The following GPC6 variants were observed in gnomAD, a reference collection of about 807,000 sequenced individuals.
GPC6 encodes glypican-6.
Under a neutral mutation model 55.2 loss-of-function variants are expected in GPC6, and 14 were observed. The observed-to-expected ratio is 0.25, with a 90% CI of 0.17 to 0.40. The LOEUF (loss-of-function observed/expected upper bound fraction) is 0.40, where lower values mean the gene tolerates loss of function less well. Among genes scored for constraint, GPC6 ranks in the 10% least tolerant of loss-of-function variants. The probability of loss-of-function intolerance (pLI) is 1.00; values close to 1 mark genes in which losing one functional copy is unlikely to be tolerated. For synonymous variants in GPC6, 278 were observed against 259.6 expected, an observed-to-expected ratio of 1.07 and a Z score of -0.68; for missense variants, 641 against 708.5, an observed-to-expected ratio of 0.90 and a Z score of 1.08.
chr13:93,367,301 C>G (rs1032878652), intron 1 of GPC6, among the ~76,000 whole-genome samples: 2 of 152,036 alleles, frequency 1.3e-5, no homozygotes, highest in Non-Finnish European at 2.9e-5. Flanking sequence ...CAAGGAATAT[C>G]CCTAGTTTCA....
chr13:93,382,167 G>C (rs889003831), intron 1 of GPC6, among the ~76,000 whole-genome samples: 1 of 152,062 alleles, frequency 6.6e-6, no homozygotes, highest in Admixed American at 6.6e-5. Flanking sequence ...AGCTGATATT[G>C]ACTAGTGTTG....
intron 1 of GPC6, among the ~76,000 whole-genome samples, chr13:93,514,461 A>G (rs909673405): frequency 3.3e-5 from 5 of 152,196 alleles, no homozygotes; most frequent in African/African-American, 4.8e-5. Context: ...AAAACTCTAC[A>G]TGGGGCCAGA....
At position 93,227,851 on chromosome 13, in the gene GPC6, C is replaced by T. The variant is rs1249917998; in HGVS notation, c.160+235C>T. Among the ~76,000 whole-genome samples the T allele has an allele frequency of 6.6e-6, 1 of 152,132 alleles. No individual in the cohort carries two copies. Among genetic ancestry groups the T allele is most frequent in the Non-Finnish European group, 1.5e-5 (1 of 68,002 alleles). On this transcript the variant is annotated intron_variant, in intron 1 of 8. Coordinates refer to ENST00000377047, the MANE Select transcript of GPC6 (RefSeq NM_005708.5). This position sits in a 1 kb window ranked among gnomAD's most constrained non-coding sequence, Gnocchi z 4.3. ...TGCACACGCGGGAGCACCCTGGCTC[C>T]CGCCTCCCGCTGCTCTCGCGCCCTT...
At chr13:93,826,421 A>C (rs2138974282) in intron 2 of GPC6, among the ~76,000 whole-genome samples, 1 of 152,248 alleles carries the variant, frequency 6.6e-6, no homozygotes, top group South Asian at 2.1e-4. Context: ...TAATGACCAA[A>C]GCTTTTCACT....
chr13:93,605,134 T>A (rs1278787395), intron 2 of GPC6, among the ~76,000 whole-genome samples: 2 of 152,118 alleles, frequency 1.3e-5, no homozygotes, highest in African/African-American at 2.4e-5. Context: ...TATCAGATAG[T>A]CAGCTTACTT....
intron 2 of GPC6, among the ~76,000 whole-genome samples, chr13:93,564,841 C>T (rs558940572): frequency 6.6e-6 from 1 of 152,136 alleles, no homozygotes; most frequent in Non-Finnish European, 1.5e-5. Context: ...ATTGCCCACT[C>T]CTCACCCCTG....
intron 3 of GPC6, among the ~76,000 whole-genome samples, chr13:93,978,274 T>C (rs1184233932): frequency 6.6e-6 from 1 of 152,184 alleles, no homozygotes; most frequent in African/African-American, 2.4e-5. Flanking sequence ...CCCAGTGAGA[T>C]CTGTGTTGGA....
intron 1 of GPC6, among the ~76,000 whole-genome samples, chr13:93,256,649 A>G (rs1426818880): frequency 1.3e-5 from 2 of 152,200 alleles, no homozygotes; most frequent in East Asian, 1.9e-4. Context: ...AACAACCTCT[A>G]TGTAGATGTT....
intron 6 of GPC6, among the ~76,000 whole-genome samples, chr13:94,333,990 A>T (rs1239890632): frequency 6.6e-6 from 1 of 152,222 alleles, no homozygotes; most frequent in Non-Finnish European, 1.5e-5. Context: ...ACTTTGAGTC[A>T]AGCCCCTTAT....
chr13:93,539,532 G>T (rs1882201621), intron 1 of GPC6, among the ~76,000 whole-genome samples: 1 of 152,088 alleles, frequency 6.6e-6, no homozygotes, highest in Non-Finnish European at 1.5e-5. Context: ...GGCTCACGCG[G>T]AATTGGATGC....
chr13:93,596,475 G>GGA (rs982434793), intron 2 of GPC6, among the ~76,000 whole-genome samples: 2 of 151,850 alleles, frequency 1.3e-5, no homozygotes, highest in African/African-American at 4.8e-5. Flanking sequence ...GACTATTTAA[G>GGA]GAGAAGGGCA....
At chr13:94,359,536 T>G (rs9589968) in intron 6 of GPC6, among the ~76,000 whole-genome samples, 15 of 152,268 alleles carry the variant, frequency 9.9e-5, no homozygotes, top group African/African-American at 3.6e-4. Flanking sequence ...ATACTATGAC[T>G]TTCCAGTGCA....
intron 5 of GPC6, among the ~76,000 whole-genome samples, chr13:94,305,355 C>T (rs72647623): frequency 0.12 from 18,861 of 152,160 alleles, 1,559 homozygotes; most frequent in Middle Eastern, 0.21. Flanking sequence ...GATTCATTAA[C>T]ATTGAACTCA....
intron 1 of GPC6, among the ~76,000 whole-genome samples, chr13:93,284,592 A>G (rs1566279400): frequency 2.0e-5 from 3 of 152,192 alleles, no homozygotes; most frequent in South Asian, 4.1e-4. Context: ...AGCTGTTTAT[A>G]TAGAGCATTT....
intron 1 of GPC6, among the ~76,000 whole-genome samples, chr13:93,319,977 T>C (rs1034411091): frequency 2.0e-5 from 3 of 152,130 alleles, no homozygotes; most frequent in East Asian, 3.9e-4. Flanking sequence ...CAAACCCAAA[T>C]TGGAGCATGA....
chr13:93,233,594 A>G (rs1368751083), intron 1 of GPC6, among the ~76,000 whole-genome samples: 2 of 152,228 alleles, frequency 1.3e-5, no homozygotes, highest in Non-Finnish European at 2.9e-5. Flanking sequence ...AGATAAATGC[A>G]TAGCACTAAG....
At chr13:93,417,713 A>G (rs1247380867) in intron 1 of GPC6, among the ~76,000 whole-genome samples, 2 of 152,086 alleles carry the variant, frequency 1.3e-5, no homozygotes, top group African/African-American at 2.4e-5. Context: ...AAACTGTTGT[A>G]CACATGTTTT....
chr13:93,238,946 G>T (rs7992869), intron 1 of GPC6, among the ~76,000 whole-genome samples: 37,917 of 151,964 alleles, frequency 0.25, 4,769 homozygotes, highest in East Asian at 0.31. Context: ...AAGCTTAGTT[G>T]ATCCTGGCAA....
intron 6 of GPC6, among the ~76,000 whole-genome samples, chr13:94,333,230 T>A (rs575624450): frequency 4.9e-4 from 75 of 152,324 alleles, no homozygotes; most frequent in African/African-American, 1.8e-3. Context: ...AAGTTTTAGG[T>A]AAAGATAGTT....
Sources: gnomAD v4.1 joint callset for allele counts (sites outside exome capture counted in the v4.1 genomes callset) on GRCh38, gnomAD v4.1.1 for gene constraint, Gnocchi (gnomAD v3.1) non-coding constraint, MANE v1.5 for transcripts, NCBI Gene and HGNC (gene_info 2026-07-23, HGNC 2026-07-21) for gene names.